CHEK1: variants seen among roughly 807,000 people sequenced by gnomAD.
CHEK1 encodes the protein serine/threonine-protein kinase Chk1.
Under a neutral mutation model 60.2 loss-of-function variants are expected in CHEK1, and 32 were observed. That is an observed-to-expected ratio of 0.53 (90% CI 0.40 to 0.71). The LOEUF (loss-of-function observed/expected upper bound fraction) is 0.71, where lower values mean the gene tolerates loss of function less well. Among genes scored for constraint, CHEK1 ranks in the 30% least tolerant of loss-of-function variants. The pLI, the probability that CHEK1 is intolerant of heterozygous loss-of-function variation, is 0.00. For synonymous variants in CHEK1, 179 were observed against 187.2 expected (o/e 0.96, Z 0.36); for missense variants, 399 against 564.6 (o/e 0.71, Z 2.97).
In CHEK1 at chr11:125,626,009, T is replaced by C; in HGVS notation, c.-24T>C. 1.4e-6 allele frequency: 1 copy of C among 697,846 alleles called. No homozygotes were observed. Among genetic ancestry groups the C allele is most frequent in the Admixed American group, 2.0e-5 (1 of 49,940 alleles). 43.2% of individuals were successfully genotyped at this position (697,846 alleles called of 1,614,324 possible). Reference sequence around the variant, plus strand: ...TCCTGCAGTGGTGGGCAAAGGACAGTCCGGTGAGGAAGGGCGGCCGGTAGA... The same window carrying C: ...TCCTGCAGTGGTGGGCAAAGGACAGCCCGGTGAGGAAGGGCGGCCGGTAGA... On this transcript the variant is annotated 5_prime_UTR_variant, in exon 1 of 13. Coordinates refer to ENST00000438015, the MANE Select transcript of CHEK1 (RefSeq NM_001114122.3).
downstream of CHEK1, chr11:125,680,875 A>T (rs1397950250): frequency 2.8e-4 from 290 of 1,027,558 alleles, 1 homozygote; most frequent in Non-Finnish European, 2.7e-5. Flanking sequence ...GTGCTGAAGC[A>T]GAGCTTCTGG....
downstream of CHEK1, among the ~76,000 whole-genome samples, chr11:125,659,553 T>G (rs1009130490): frequency 6.6e-6 from 1 of 152,276 alleles, no homozygotes; most frequent in African/African-American, 2.4e-5. Flanking sequence ...TTTTCTAATA[T>G]TGTTATGACT....
In CHEK1 at chr11:125,672,358, G is replaced by GA. The variant is rs201813703; in HGVS notation, c.*28-3561dup. 2.8e-3 allele frequency: 1,319 copies of GA among 473,354 alleles called. 1 individual carries two copies. Among genetic ancestry groups the GA allele is most frequent in the African/African-American group, 9.5e-3 (477 of 50,156 alleles). The allele number at this position is 473,354 out of a possible 1,614,324, so 29.3% of individuals were successfully genotyped here. A position where few individuals can be genotyped will look rare whatever the true frequency, so the allele number is the denominator to read the frequency against. On this transcript the variant is annotated intron_variant, in intron 13 of 13. Coordinates refer to the CHEK1 transcript ENST00000428830. ...GTGCTTTAACCATGTGAAATTTATT[G>GA]AAAAAAAAATCAGGAATATTGAGAG...
intron 13 of CHEK1, among the ~76,000 whole-genome samples, chr11:125,662,990 T>A (rs1288668722): frequency 1.3e-5 from 2 of 152,230 alleles, no homozygotes; most frequent in African/African-American, 4.8e-5. Flanking sequence ...CATCTTTTCA[T>A]GTACTCATTT....
chr11:125,633,886 G>A (rs1196523246), intron 6 of CHEK1, among the ~76,000 whole-genome samples: 2 of 151,946 alleles, frequency 1.3e-5, no homozygotes, highest in Non-Finnish European at 2.9e-5. Flanking sequence ...GAGATTAGGG[G>A]TGCCAACCTG....
intron 5 of CHEK1, among the ~76,000 whole-genome samples, chr11:125,630,284 G>C (rs1166056998): frequency 6.6e-6 from 1 of 151,702 alleles, no homozygotes; most frequent in East Asian, 1.9e-4. Flanking sequence ...TTTATTCTTA[G>C]TATTAGAATA....
At chr11:125,667,198 T>C (rs1186459572) in intron 13 of CHEK1, among the ~76,000 whole-genome samples, 3 of 152,192 alleles carry the variant, frequency 2.0e-5, no homozygotes, top group African/African-American at 7.2e-5. Flanking sequence ...ATTGTTCTCA[T>C]CTTTACATTC....
At chr11:125,645,895 G>A (rs1941483018) in intron 11 of CHEK1, among the ~76,000 whole-genome samples, 1 of 152,126 alleles carries the variant, frequency 6.6e-6, no homozygotes, top group Admixed American at 6.5e-5. Context: ...CTGTTACTGT[G>A]TAGAAATCTG....
chr11:125,679,429 G>C (rs1460361480), downstream of CHEK1, among the ~76,000 whole-genome samples: 1 of 151,938 alleles, frequency 6.6e-6, no homozygotes, highest in South Asian at 2.1e-4. Flanking sequence ...TGTTGGCCAG[G>C]CTGGTCTTGA....
chr11:125,676,342 A>ATC (rs754535890), downstream of CHEK1: 49 of 1,613,634 alleles, frequency 3.0e-5, no homozygotes, highest in African/African-American at 5.9e-4. Context: ...AAATTGCCTC[A>ATC]TGAAGTCCCC....
At chr11:125,674,382 G>C (rs1942379712) in intron 13 of CHEK1, among the ~76,000 whole-genome samples, 1 of 152,180 alleles carries the variant, frequency 6.6e-6, no homozygotes, top group Non-Finnish European at 1.5e-5. Context: ...AAGCTATGAA[G>C]AATTGTTAGC....
intron 1 of CHEK1, 111 bp downstream of exon 1, chr11:125,626,123 G>A (rs1281221735): frequency 7.9e-6 from 5 of 630,600 alleles, no homozygotes; most frequent in Admixed American, 7.0e-5. Flanking sequence ...TAGCGCAGGG[G>A]ATTGGAGAGA....
chr11:125,676,509 T>C (rs777882971), downstream of CHEK1: 19 of 1,613,624 alleles, frequency 1.2e-5, no homozygotes, highest in South Asian at 2.0e-4. Context: ...TGATGACATT[T>C]CCTTGTGGAC....
In CHEK1 at chr11:125,655,433, G is replaced by A; in HGVS notation, c.*113G>A. 1 of 608,652 alleles carries A rather than the reference G, an allele frequency of 1.6e-6. No individual in the cohort carries two copies. The highest frequency in any genetic ancestry group is 2.8e-6 in the Non-Finnish European group (1 of 361,238). The allele number at this position is 608,652 out of a possible 1,614,324, so 37.7% of individuals were successfully genotyped here. On this transcript the variant is annotated 3_prime_UTR_variant, in exon 13 of 13. Transcript: ENST00000438015. Reference sequence around the variant, plus strand: ...AACTGCAAATAGTAGTTCCTGAAGTGTTCACTTCCCTGTTTATCCAAACAT... The same window carrying A: ...AACTGCAAATAGTAGTTCCTGAAGTATTCACTTCCCTGTTTATCCAAACAT...
rs1009964723 is a variant in CHEK1 at position 125,644,744 on chromosome 11, C to A, written c.1233+101C>A. 7 of 1,328,420 alleles carry A rather than the reference C, an allele frequency of 5.3e-6. No individual in the cohort carries two copies. The African/African-American group carries it at 8.9e-5, about 17-fold the overall frequency. The allele number at this position is 1,328,420 out of a possible 1,614,324, so 82.3% of individuals were successfully genotyped here. On this transcript the variant is annotated intron_variant, in intron 11 of 12. Transcript: ENST00000438015. ...TATTTTTTAAATATAGGCTGTGGCTCACACCTGTAATCCCAGCTTTTTGGG... is the reference window on the plus strand; with the variant it reads ...TATTTTTTAAATATAGGCTGTGGCTAACACCTGTAATCCCAGCTTTTTGGG...
chr11:125,633,183 T>A lies in CHEK1; in HGVS notation c.445T>A (p.Phe149Ile). 6.3e-7 allele frequency: 1 copy of A among 1,592,146 alleles called. No homozygotes were observed. The highest frequency in any genetic ancestry group is 8.5e-7 in the Non-Finnish European group (1 of 1,173,990). The stretch of plus-strand genomic sequence containing the variant: ...TTTAGATAACCTCAAAATCTCAGAC[T>A]TTGGCTTGGCAACAGTATTTCGGTA... ...DERDNLKISD[F>I]GLATVFRYNN... Residue 149 changes from phenylalanine (F) to isoleucine (I), a missense_variant, in exon 6 of 13, where the codon TTT (phenylalanine) becomes ATT (isoleucine). By Grantham distance (21) the Phe-to-Ile change is conservative. Transcript: ENST00000438015.
chr11:125,637,628 A>G lies in CHEK1; in HGVS notation c.814+84A>G, dbSNP rs1268746796. The G allele has an allele frequency of 2.3e-5, 19 of 811,602 alleles. No homozygotes were observed. In the South Asian group the frequency reaches 2.7e-4, roughly 12 times the overall value. 50.3% of individuals were successfully genotyped at this position (811,602 alleles called of 1,614,324 possible). On this transcript the variant is annotated intron_variant, in intron 8 of 12. Transcript: ENST00000438015. The stretch of plus-strand genomic sequence containing the variant: ...AGTTATTATCACAAGTCAACAACAC[A>G]TGATAGCTATGATCTCTGTCCTCAT...
At chr11:125,678,291 G>A, downstream of CHEK1, 1 of 1,613,568 alleles carries the variant, frequency 6.2e-7, no homozygotes, top group Non-Finnish European at 8.5e-7. Context: ...AGGCTGACTT[G>A]ATGTTCCTGG....
chr11:125,670,613 T>C (rs1217193260), intron 13 of CHEK1, among the ~76,000 whole-genome samples: 1 of 152,182 alleles, frequency 6.6e-6, no homozygotes, highest in Non-Finnish European at 1.5e-5. Flanking sequence ...GGTCAGAGGT[T>C]ATCCTCAAAT....
Sources: gnomAD v4.1 joint callset for allele counts (sites outside exome capture counted in the v4.1 genomes callset) on GRCh38, gnomAD v4.1.1 for gene constraint, MANE v1.5 for transcripts, NCBI Gene and HGNC (gene_info 2026-07-23, HGNC 2026-07-21) for gene names.